Variants in SORCS2 observed in about 807,000 individuals in gnomAD.
SORCS2 encodes sortilin related VPS10 domain containing receptor 2.
Under a neutral mutation model 141.6 loss-of-function variants are expected in SORCS2, and 100 were observed. The ratio of observed to expected loss-of-function variants is 0.71; its 90% CI spans 0.60 to 0.83. SORCS2 has a LOEUF of 0.83. Among genes scored for constraint, SORCS2 ranks in the 40% least tolerant of loss-of-function variants. The pLI is 0.00. For synonymous variants in SORCS2, 789 were observed against 676.9 expected (o/e 1.17, Z -2.57); for missense variants, 1,646 against 1,560.2 (o/e 1.05, Z -0.93).
At chr4:7,243,184 G>A (rs1712830974) in intron 1 of SORCS2, among the ~76,000 whole-genome samples, 1 of 152,216 alleles carries the variant, frequency 6.6e-6, no homozygotes, top group Non-Finnish European at 1.5e-5. Context: ...CACGTGGGAT[G>A]TTCTGGTCTC....
intron 14 of SORCS2, among the ~76,000 whole-genome samples, chr4:7,705,279 C>G (rs1225614080): frequency 6.6e-6 from 1 of 152,162 alleles, no homozygotes; most frequent in Non-Finnish European, 1.5e-5. Flanking sequence ...GCCTCTAGAG[C>G]CTCTAGAGGG....
intron 14 of SORCS2, among the ~76,000 whole-genome samples, chr4:7,704,523 C>T (rs1725293396): frequency 6.6e-6 from 1 of 152,246 alleles, no homozygotes; most frequent in Admixed American, 6.5e-5. Flanking sequence ...GCACCTTTCT[C>T]AGCCATATGG....
chr4:7,717,929 C>A (rs1726300918), intron 17 of SORCS2, 83 bp from the exon 18 acceptor site: 3 of 1,410,534 alleles, frequency 2.1e-6, no homozygotes, highest in Non-Finnish European at 2.8e-6. Context: ...CTCTGGGTGG[C>A]AAGCACGTCC....
chr4:7,368,218 C>G (rs971578067), intron 1 of SORCS2, among the ~76,000 whole-genome samples: 4 of 152,188 alleles, frequency 2.6e-5, no homozygotes, highest in Admixed American at 6.5e-5. Flanking sequence ...CTGGTGTGCT[C>G]TAAAGTGAGC....
chr4:7,337,419 C>G (rs577524202), intron 1 of SORCS2, among the ~76,000 whole-genome samples: 82 of 152,146 alleles, frequency 5.4e-4, no homozygotes, highest in Non-Finnish European at 7.8e-4. Flanking sequence ...AGGAGGCCTT[C>G]CTGAGCAGGC....
At chr4:7,705,550 C>T (rs1725375070) in intron 14 of SORCS2, among the ~76,000 whole-genome samples, 1 of 152,234 alleles carries the variant, frequency 6.6e-6, no homozygotes, top group African/African-American at 2.4e-5. Flanking sequence ...GCAGGCAGGA[C>T]CTGCCCTACC....
At chr4:7,729,536 G>A in intron 22 of SORCS2, 51 bp from the exon 23 acceptor site, 1 of 1,546,550 alleles carries the variant, frequency 6.5e-7, no homozygotes, top group African/African-American at 1.4e-5. Flanking sequence ...CCAGTATGAG[G>A]CAGGGAATGA....
At chr4:7,651,906 C>G (rs945441217) in intron 4 of SORCS2, among the ~76,000 whole-genome samples, 1 of 152,204 alleles carries the variant, frequency 6.6e-6, no homozygotes, top group Non-Finnish European at 1.5e-5. Flanking sequence ...GAAACATTCT[C>G]TGGGTGTGCT....
At chr4:7,194,371 C>G (rs1310332082) in intron 1 of SORCS2, among the ~76,000 whole-genome samples, 1 of 152,306 alleles carries the variant, frequency 6.6e-6, no homozygotes, top group East Asian at 1.9e-4. Flanking sequence ...CTGGGCTACT[C>G]CCAGCCAGCT....
intron 2 of SORCS2, among the ~76,000 whole-genome samples, chr4:7,516,643 G>A (rs11939818): frequency 0.023 from 3,462 of 152,284 alleles, 137 homozygotes; most frequent in African/African-American, 0.08. Context: ...CGTCGGGGCT[G>A]CACGGAGTCT....
intron 3 of SORCS2, among the ~76,000 whole-genome samples, chr4:7,544,551 T>C (rs944809545): frequency 3.3e-5 from 5 of 152,184 alleles, no homozygotes; most frequent in African/African-American, 9.7e-5. Flanking sequence ...CCCCCTGCCA[T>C]TGCAGATTCC....
chr4:7,569,603 G>A (rs562823691), intron 3 of SORCS2, among the ~76,000 whole-genome samples: 2 of 152,350 alleles, frequency 1.3e-5, no homozygotes, highest in South Asian at 4.1e-4. Context: ...TATCCTATGT[G>A]CAGAGAACAT....
In SORCS2 at chr4:7,737,065, G is replaced by A; in HGVS notation, c.3312-4G>A. ...GCTGAGCCGCCCTTGCCTCTGTCCA[G>A]CAGGAAACGGCCAGGCAGGACCGTG... On this transcript the variant is annotated splice_region_variant and splice_polypyrimidine_tract_variant and intron_variant, in intron 25 of 26. Coordinates refer to ENST00000507866, the MANE Select transcript of SORCS2 (RefSeq NM_020777.3). 1 of 1,551,022 alleles carries A rather than the reference G, an allele frequency of 6.4e-7. No homozygotes were observed. The highest frequency in any genetic ancestry group is 8.7e-7 in the Non-Finnish European group (1 of 1,146,854).
chr4:7,461,858 T>A (rs1013694893), intron 2 of SORCS2, among the ~76,000 whole-genome samples: 1 of 152,098 alleles, frequency 6.6e-6, no homozygotes, highest in South Asian at 2.1e-4. Flanking sequence ...CATCTGCATA[T>A]TAACAAGACC....
chr4:7,376,159 G>T (rs995160943), intron 1 of SORCS2, among the ~76,000 whole-genome samples: 6 of 152,184 alleles, frequency 3.9e-5, no homozygotes, highest in African/African-American at 1.2e-4. Flanking sequence ...GCCTGGGCAG[G>T]ACTCTGCTTC....
chr4:7,452,930 CTG>C lies in SORCS2; in HGVS notation c.548+56581_548+56582del, dbSNP rs1471071516. On this transcript the variant is annotated intron_variant, in intron 2 of 26. Transcript: ENST00000507866. ...TCAGGTGCTGTGTTGAGGTCAGGAG[CTG>C]TGTGTTGGGGTCAGGTGCTGTGTGT... 4.5e-3 allele frequency among the ~76,000 whole-genome samples: 582 copies of C among 129,926 alleles called. 5 individuals are homozygous for C. Among genetic ancestry groups the C allele is most frequent in the African/African-American group, 0.017 (551 of 32,538 alleles). 85.2% of individuals were successfully genotyped at this position (129,926 alleles called of 152,430 possible).
chr4:7,435,388 C>T (rs995048256), intron 2 of SORCS2, among the ~76,000 whole-genome samples: 2 of 152,252 alleles, frequency 1.3e-5, no homozygotes, highest in Non-Finnish European at 2.9e-5. Context: ...TGACTGGCCA[C>T]CCCCTGGATG....
chr4:7,471,800 C>T lies in SORCS2; in HGVS notation c.549-59730C>T, dbSNP rs569544347. 8.5e-5 allele frequency among the ~76,000 whole-genome samples: 13 copies of T among 152,326 alleles called. No homozygotes were observed. In the South Asian group the frequency reaches 2.3e-3, roughly 27 times the overall value. On this transcript the variant is annotated intron_variant, in intron 2 of 26. Coordinates refer to ENST00000507866, the MANE Select transcript of SORCS2 (RefSeq NM_020777.3). Reference sequence around the variant, plus strand: ...CCACCTGCTTTGGAGGTGATGTCTGCGGAATGCAACCTTCAGGACGCCCAG... The same window carrying T: ...CCACCTGCTTTGGAGGTGATGTCTGTGGAATGCAACCTTCAGGACGCCCAG...
At position 7,245,005 on chromosome 4, in the gene SORCS2, C is replaced by A. The variant is rs116795704; in HGVS notation, c.480+51879C>A. Reference sequence around the variant, plus strand: ...GGGTGGAGTAAGCCACCATGGGAACCCAAGGTGGCCGCCTACCTGGGCCCA... The same window carrying A: ...GGGTGGAGTAAGCCACCATGGGAACACAAGGTGGCCGCCTACCTGGGCCCA... On this transcript the variant is annotated intron_variant, in intron 1 of 26. Transcript: ENST00000507866. Among the ~76,000 whole-genome samples the A allele has an allele frequency of 5.8e-3, 886 of 152,238 alleles. 6 individuals are homozygous for A. The highest frequency in any genetic ancestry group is 0.02 in the African/African-American group (844 of 41,532).
Sources: gnomAD v4.1 joint callset for allele counts (sites outside exome capture counted in the v4.1 genomes callset) on GRCh38, gnomAD v4.1.1 for gene constraint, MANE v1.5 for transcripts, NCBI Gene and HGNC (gene_info 2026-07-23, HGNC 2026-07-21) for gene names.